KCNQ3: variants seen among roughly 807,000 people sequenced by gnomAD.
KCNQ3 encodes the protein potassium voltage-gated channel subfamily KQT member 3.
KCNQ3 carries 30 observed loss-of-function variants against 92.5 expected under a neutral mutation model. The observed-to-expected ratio is 0.32, with a 90% CI of 0.24 to 0.44. The LOEUF is 0.44. Ranked by LOEUF, KCNQ3 falls within the 20% of genes least tolerant of loss-of-function variation. KCNQ3 has a pLI of 1.00. For missense variants in KCNQ3, 913 were observed against 1,140.3 expected (o/e 0.80, Z 2.87); for synonymous variants, 450 against 468.8 (o/e 0.96, Z 0.52).
At chr8:132,267,681 A>G (rs1380335411) in intron 1 of KCNQ3, among the ~76,000 whole-genome samples, 1 of 152,196 alleles carries the variant, frequency 6.6e-6, no homozygotes, top group Non-Finnish European at 1.5e-5. Context: ...AACTCCCTAG[A>G]AGGCTGCTGA....
intron 1 of KCNQ3, among the ~76,000 whole-genome samples, chr8:132,452,511 C>T (rs1205753835): frequency 6.6e-6 from 1 of 152,168 alleles, no homozygotes; most frequent in Non-Finnish European, 1.5e-5. Context: ...AGACACTACC[C>T]GCTTTCCAAG....
At chr8:132,434,624 G>A (rs759171796) in intron 1 of KCNQ3, among the ~76,000 whole-genome samples, 22 of 152,198 alleles carry the variant, frequency 1.4e-4, no homozygotes, top group Admixed American at 3.3e-4. Context: ...TGGAGATGAT[G>A]CCCCAAACTC....
At position 132,309,931 on chromosome 8, in the gene KCNQ3, G is replaced by A. The variant is rs556753743; in HGVS notation, c.387-123750C>T. 5.3e-5 allele frequency among the ~76,000 whole-genome samples: 8 copies of A among 152,294 alleles called. No homozygotes were observed. The South Asian group carries it at 1.7e-3, about 32-fold the overall frequency. On this transcript the variant is annotated intron_variant, in intron 1 of 14. Transcript: ENST00000388996. Reference sequence around the variant, plus strand: ...CACCATCTTTGCTTTGTTTAGGCATGACTTGTACTATTAATTACTTTAGGT... The same window carrying A: ...CACCATCTTTGCTTTGTTTAGGCATAACTTGTACTATTAATTACTTTAGGT...
At chr8:132,341,343 C>T (rs1353456087) in intron 1 of KCNQ3, among the ~76,000 whole-genome samples, 20 of 152,202 alleles carry the variant, frequency 1.3e-4, no homozygotes, top group Non-Finnish European at 1.0e-4. Flanking sequence ...ATCCATGCAG[C>T]TGAAGGCACG....
chr8:132,359,519 G>A (rs545892394), intron 1 of KCNQ3, among the ~76,000 whole-genome samples: 41 of 151,974 alleles, frequency 2.7e-4, no homozygotes, highest in Non-Finnish European at 5.0e-4. Flanking sequence ...ACCATGTTAC[G>A]ATGCCTCTTG....
chr8:132,191,216 A>G (rs1017341968), intron 1 of KCNQ3, among the ~76,000 whole-genome samples: 1 of 152,104 alleles, frequency 6.6e-6, no homozygotes, highest in African/African-American at 2.4e-5. Context: ...GCGTGATCAT[A>G]GCTCATTGTA....
intron 9 of KCNQ3, among the ~76,000 whole-genome samples, chr8:132,154,286 G>A (rs946387335): frequency 2.2e-5 from 3 of 135,674 alleles, no homozygotes; most frequent in Admixed American, 8.3e-5. Flanking sequence ...TGGGATTTTT[G>A]AGCTGTCCTT....
intron 1 of KCNQ3, among the ~76,000 whole-genome samples, chr8:132,426,297 C>T (rs1231896575): frequency 6.6e-6 from 1 of 152,230 alleles, no homozygotes; most frequent in East Asian, 1.9e-4. Flanking sequence ...CTCAGGCAAA[C>T]AACCCTACCC....
At chr8:132,342,753 T>G (rs1198253251) in intron 1 of KCNQ3, among the ~76,000 whole-genome samples, 1 of 152,226 alleles carries the variant, frequency 6.6e-6, no homozygotes, top group African/African-American at 2.4e-5. Flanking sequence ...AGTGCTGGAC[T>G]ACAGTTTCAA....
chr8:132,396,887 C>T (rs1018393901), intron 1 of KCNQ3, among the ~76,000 whole-genome samples: 1 of 151,556 alleles, frequency 6.6e-6, no homozygotes, highest in African/African-American at 2.4e-5. Flanking sequence ...GGGATCTTGC[C>T]AGAGGTGACC....
intron 9 of KCNQ3, among the ~76,000 whole-genome samples, chr8:132,146,684 C>A (rs62519562): frequency 0.05 from 7,634 of 151,992 alleles, 311 homozygotes; most frequent in Non-Finnish European, 0.074. Flanking sequence ...ACCTCTGCTC[C>A]TGGGTTCAAG....
intron 8 of KCNQ3, among the ~76,000 whole-genome samples, chr8:132,166,543 T>C (rs1017085403): frequency 6.6e-6 from 1 of 152,152 alleles, no homozygotes; most frequent in African/African-American, 2.4e-5. Flanking sequence ...ATGCCCAGCA[T>C]GGTATGTGGC....
At chr8:132,402,495 A>C (rs1820365850) in intron 1 of KCNQ3, among the ~76,000 whole-genome samples, 1 of 152,212 alleles carries the variant, frequency 6.6e-6, no homozygotes, top group African/African-American at 2.4e-5. Context: ...GACAGAGCCT[A>C]AAATGACCAA....
intron 1 of KCNQ3, among the ~76,000 whole-genome samples, chr8:132,478,894 G>T (rs1317925986): frequency 6.6e-6 from 1 of 151,584 alleles, no homozygotes; most frequent in Non-Finnish European, 1.5e-5. Context: ...CAAGGCTCCT[G>T]AGCCCTTCCG....
At chr8:132,208,269 C>T (rs922545820) in intron 1 of KCNQ3, among the ~76,000 whole-genome samples, 2 of 151,864 alleles carry the variant, frequency 1.3e-5, no homozygotes, top group African/African-American at 4.8e-5. Flanking sequence ...GTAGGCATGG[C>T]ACATGCTACT....
intron 12 of KCNQ3, among the ~76,000 whole-genome samples, chr8:132,137,662 T>G (rs1422075426): frequency 3.9e-5 from 6 of 152,224 alleles, no homozygotes; most frequent in African/African-American, 1.4e-4. Flanking sequence ...CTGACAGGCC[T>G]GATCAGGGTG....
At chr8:132,365,078 T>C (rs1415674748) in intron 1 of KCNQ3, among the ~76,000 whole-genome samples, 1 of 152,190 alleles carries the variant, frequency 6.6e-6, no homozygotes, top group Admixed American at 6.5e-5. Context: ...GTTTTTGTTT[T>C]ACATTTTGCC....
intron 9 of KCNQ3, among the ~76,000 whole-genome samples, chr8:132,148,789 G>C (rs141440273): frequency 1.9e-4 from 29 of 152,288 alleles, no homozygotes; most frequent in African/African-American, 6.3e-4. Flanking sequence ...TGGAGCTCCT[G>C]GTTCTCAGGC....
At chr8:132,293,067 T>A (rs1480110292) in intron 1 of KCNQ3, among the ~76,000 whole-genome samples, 1 of 152,172 alleles carries the variant, frequency 6.6e-6, no homozygotes, top group East Asian at 1.9e-4. Flanking sequence ...GCTGATCATG[T>A]GAAGATTTCT....
Sources: allele counts gnomAD v4.1 joint callset (sites outside exome capture counted in the v4.1 genomes callset), GRCh38; gene constraint gnomAD v4.1.1; transcripts MANE v1.5; gene names NCBI Gene and HGNC (gene_info 2026-07-23, HGNC 2026-07-21).